The following LRP1B variants were observed in gnomAD, a reference collection of about 807,000 sequenced individuals.
The protein encoded by LRP1B is low-density lipoprotein receptor-related protein 1B.
A neutral mutation model predicts 556.6 loss-of-function variants in LRP1B; 217 were observed. The observed-to-expected ratio is 0.39, with a 90% CI of 0.35 to 0.44. The LOEUF (loss-of-function observed/expected upper bound fraction) is 0.44. Among genes scored for constraint, LRP1B ranks in the 20% least tolerant of loss-of-function variants. The pLI, the probability that LRP1B is intolerant of heterozygous loss-of-function variation, is 1.00. For synonymous variants in LRP1B, 2,047 were observed against 1,865.8 expected (o/e 1.10, Z -2.50); for missense variants, 5,053 against 5,620.8 (o/e 0.90, Z 3.23).
chr2:142,016,876 ATATG>A (rs1485135523), intron 1 of LRP1B, among the ~76,000 whole-genome samples: 1 of 149,236 alleles, frequency 6.7e-6, no homozygotes, highest in East Asian at 2.0e-4. Context: ...ATATATGTAT[ATATG>A]TGTTTATATG....
intron 6 of LRP1B, chr2:141,208,171 C>A (rs1173147154): frequency 6.6e-6 from 1 of 152,206 alleles, no homozygotes; most frequent in Admixed American, 6.6e-5. Context: ...TAATGGGACA[C>A]CAGGGATTTG....
At chr2:141,566,876 A>C (rs796509401) in intron 2 of LRP1B, among the ~76,000 whole-genome samples, 45 of 152,292 alleles carry the variant, frequency 3.0e-4, no homozygotes, top group African/African-American at 1.1e-3. Flanking sequence ...AAAATTAAAA[A>C]TAAAACTAAA....
At chr2:140,936,007 G>T (rs1405889339) in intron 20 of LRP1B, among the ~76,000 whole-genome samples, 1 of 148,758 alleles carries the variant, frequency 6.7e-6, no homozygotes, top group African/African-American at 2.5e-5. Flanking sequence ...GTGTGTATAT[G>T]TGTGTGTGTG....
At chr2:141,445,150 T>A (rs867271666) in intron 3 of LRP1B, among the ~76,000 whole-genome samples, 6 of 152,234 alleles carry the variant, frequency 3.9e-5, no homozygotes, top group Admixed American at 3.9e-4. Flanking sequence ...CCTGGTTTAG[T>A]ATTGGGAGGG....
intron 87 of LRP1B, among the ~76,000 whole-genome samples, chr2:140,244,638 A>G (rs1411802432): frequency 6.6e-6 from 1 of 151,258 alleles, no homozygotes; most frequent in Non-Finnish European, 1.5e-5. Flanking sequence ...CTAATTCCAC[A>G]AGCTGCTTTT....
intron 2 of LRP1B, among the ~76,000 whole-genome samples, chr2:141,691,465 A>AACACACACACACACACACACACACAC (rs10522926): frequency 0.042 from 5,635 of 133,016 alleles, 251 homozygotes; most frequent in Middle Eastern, 0.065. Flanking sequence ...GTAATCAGCC[A>AACACACACACACACACACACACACAC]ACACACACAC....
chr2:142,018,561 C>T (rs202066733), intron 1 of LRP1B, among the ~76,000 whole-genome samples: 1 of 151,568 alleles, frequency 6.6e-6, no homozygotes, highest in African/African-American at 2.4e-5. Context: ...TAATAAAATC[C>T]AAGCCATATT....
intron 1 of LRP1B, among the ~76,000 whole-genome samples, chr2:142,091,974 G>A (rs1316903904): frequency 6.6e-6 from 1 of 152,138 alleles, no homozygotes; most frequent in Non-Finnish European, 1.5e-5. Context: ...GAGTAGAGAA[G>A]CTATCTAAAC....
chr2:141,546,506 T>G (rs1685558900), intron 2 of LRP1B, among the ~76,000 whole-genome samples: 1 of 152,178 alleles, frequency 6.6e-6, no homozygotes, highest in South Asian at 2.1e-4. Flanking sequence ...TTCCACCAAT[T>G]TCTTCCTCTT....
chr2:140,329,973 G>A (rs940599492), intron 79 of LRP1B, among the ~76,000 whole-genome samples: 1 of 151,826 alleles, frequency 6.6e-6, no homozygotes, highest in African/African-American at 2.4e-5. Flanking sequence ...GCTGAGGCGG[G>A]TTGATCGCTT....
intron 43 of LRP1B, among the ~76,000 whole-genome samples, chr2:140,550,350 G>A (rs16844232): frequency 0.022 from 3,289 of 152,104 alleles, 101 homozygotes; most frequent in African/African-American, 0.063. Flanking sequence ...AGTGACAGGC[G>A]CTGGAGCACT....
At chr2:140,780,912 C>G (rs977972953) in intron 32 of LRP1B, among the ~76,000 whole-genome samples, 9 of 152,132 alleles carry the variant, frequency 5.9e-5, no homozygotes, top group African/African-American at 2.2e-4. Flanking sequence ...ACCCTTTGGC[C>G]CTGGAGAAAA....
chr2:140,869,177 G>T (rs904644198), intron 25 of LRP1B, among the ~76,000 whole-genome samples: 9 of 152,082 alleles, frequency 5.9e-5, no homozygotes, highest in African/African-American at 1.2e-4. Context: ...CTCAGAGAAG[G>T]CTACCCACTT....
intron 53 of LRP1B, among the ~76,000 whole-genome samples, chr2:140,506,035 A>G (rs2104904295): frequency 6.6e-6 from 1 of 152,230 alleles, no homozygotes; most frequent in African/African-American, 2.4e-5. Context: ...ATAATATTAA[A>G]TTTTATCAAA....
chr2:140,249,413 G>A (rs886432599), intron 86 of LRP1B, among the ~76,000 whole-genome samples: 2 of 151,564 alleles, frequency 1.3e-5, no homozygotes, highest in African/African-American at 4.8e-5. Flanking sequence ...CCATGGCTTA[G>A]GGTCCAGTAT....
intron 16 of LRP1B, 87 bp from the exon 17 acceptor site, chr2:140,989,744 TA>T: frequency 1.5e-6 from 2 of 1,294,550 alleles, no homozygotes; most frequent in Non-Finnish European, 2.2e-6. Context: ...AAAGTTACAG[TA>T]ATAATATTAT....
intron 20 of LRP1B, among the ~76,000 whole-genome samples, chr2:140,949,733 G>A (rs543809902): frequency 5.3e-5 from 8 of 151,934 alleles, no homozygotes; most frequent in African/African-American, 1.4e-4. Context: ...GAAGTCAGGA[G>A]ATCGAGACCA....
intron 42 of LRP1B, among the ~76,000 whole-genome samples, chr2:140,599,531 T>A (rs1048727564): frequency 3.3e-5 from 5 of 152,092 alleles, no homozygotes; most frequent in Non-Finnish European, 7.4e-5. Context: ...CAATATGTGG[T>A]TTTGAGTATT....
intron 3 of LRP1B, among the ~76,000 whole-genome samples, chr2:141,304,656 C>CTA (rs200238677): frequency 1.7e-4 from 25 of 150,022 alleles, no homozygotes; most frequent in Middle Eastern, 3.4e-3. Context: ...TTGTTTTTTT[C>CTA]TATATATATA....
Sources: gnomAD v4.1 joint callset for allele counts (sites outside exome capture counted in the v4.1 genomes callset) on GRCh38, gnomAD v4.1.1 for gene constraint, MANE v1.5 for transcripts, NCBI Gene and HGNC (gene_info 2026-07-23, HGNC 2026-07-21) for gene names.